Variants in TNPO2 observed in about 807,000 individuals in gnomAD.
TNPO2 encodes transportin-2.
In TNPO2, 16 loss-of-function variants were observed where a neutral mutation model predicts 111.1. That is an observed-to-expected ratio of 0.14 (90% confidence interval 0.10 to 0.22). The LOEUF is 0.22. TNPO2 is among the 10% of genes least tolerant of loss of function. The probability of loss-of-function intolerance (pLI) is 1.00; values close to 1 mark genes in which losing one functional copy is unlikely to be tolerated. For synonymous variants in TNPO2, 481 were observed against 475.8 expected, an observed-to-expected ratio of 1.01 and a Z score of -0.14; for missense variants, 530 against 1,173.7, an observed-to-expected ratio of 0.45 and a Z score of 8.01.
intron 5 of TNPO2, among the ~76,000 whole-genome samples, chr19:12,717,920 G>C (rs1599427920): frequency 6.6e-6 from 1 of 152,246 alleles, no homozygotes; most frequent in East Asian, 1.9e-4. Context: ...GATCTCAAGT[G>C]ATCCGCCTGC....
intron 3 of TNPO2, among the ~76,000 whole-genome samples, chr19:12,720,600 C>T (rs1444312013): frequency 1.3e-5 from 2 of 152,246 alleles, no homozygotes; most frequent in East Asian, 3.8e-4. Context: ...CGATTACAGG[C>T]ATGAGCCACC....
At position 12,699,275 on chromosome 19, in the gene TNPO2, A is replaced by C. The variant is rs1304751689; in HGVS notation, c.*1989T>G. 1 of 446,432 alleles carries C rather than the reference A, an allele frequency of 2.2e-6. No individual in the cohort carries two copies. Among genetic ancestry groups the C allele is most frequent in the African/African-American group, 2.0e-5 (1 of 49,430 alleles). 27.7% of individuals were successfully genotyped at this position (446,432 alleles called of 1,614,324 possible). A position where few individuals can be genotyped will look rare whatever the true frequency, so the allele number is the denominator to read the frequency against. On this transcript the variant is annotated 3_prime_UTR_variant, in exon 26 of 26. Transcript: ENST00000425528. ...TCACGCCACCTCGGCGCCAATCCCC[A>C]GCACAGCACAGTAACAAATGGACAG...
In TNPO2 at chr19:12,715,407, G is replaced by T; in HGVS notation, c.564C>A (p.Ile188=). 1 of 1,613,954 alleles carries T rather than the reference G, an allele frequency of 6.2e-7. No individual in the cohort carries two copies. The highest frequency in any genetic ancestry group is 8.5e-7 in the Non-Finnish European group (1 of 1,179,864). Residue 188 remains isoleucine, a splice_region_variant and synonymous_variant, in exon 7 of 26, where the codon ATC becomes ATA. Transcript: ENST00000425528. This position sits in a 1 kb window ranked among gnomAD's most constrained non-coding sequence, Gnocchi z 7.1. ...AGCCCCCAGGGAGCTGCACCCACCG[G>T]ATCTTGGGACTGCAGTGCTTGAAGA... is the stretch of plus-strand genomic sequence containing the variant. ...LQFFKHCSPK[I]RSHAIACVNQ...
chr19:12,712,934 G>A (rs1409839823), intron 10 of TNPO2, among the ~76,000 whole-genome samples: 1 of 152,140 alleles, frequency 6.6e-6, no homozygotes, highest in Non-Finnish European at 1.5e-5. Flanking sequence ...CACCCAGGCT[G>A]GAGTGCACTG....
In TNPO2 at chr19:12,706,484, T is replaced by G; in HGVS notation, c.1496+86A>C. 2 of 1,574,860 alleles carry G rather than the reference T, an allele frequency of 1.3e-6. No individual in the cohort carries two copies. The highest frequency in any genetic ancestry group is 1.7e-6 in the Non-Finnish European group (2 of 1,145,524). ...CAGTACGAATACGCGATAAATCAGT[T>G]CCACATCAACAGTCACAGGTGTCAT... is the stretch of plus-strand genomic sequence containing the variant. On this transcript the variant is annotated intron_variant, in intron 14 of 25. Coordinates refer to ENST00000425528, the MANE Select transcript of TNPO2 (RefSeq NM_001382241.1). This position sits in a 1 kb window ranked among gnomAD's most constrained non-coding sequence, Gnocchi z 7.0.
At position 12,714,970 on chromosome 19, in the gene TNPO2, C is replaced by T. The variant is rs760439665; in HGVS notation, c.772-31G>A. ...GTAGGGGGGAGAAGCTGAGGCCTGG[C>T]CTGGCTGGGGGTGGCTCCCTGACCC... On this transcript the variant is annotated intron_variant, in intron 9 of 25. Transcript: ENST00000425528. 5 of 1,601,082 alleles carry T rather than the reference C, an allele frequency of 3.1e-6. No homozygotes were observed. In the African/African-American group the frequency reaches 4.0e-5, roughly 13 times the overall value.
At chr19:12,713,826 G>C (rs1000683253) in intron 10 of TNPO2, among the ~76,000 whole-genome samples, 1 of 152,120 alleles carries the variant, frequency 6.6e-6, no homozygotes, top group African/African-American at 2.4e-5. Context: ...CCAGGGATCC[G>C]AGACCAGCCA....
Position 12,701,671 on chromosome 19 carries a change from T to C in TNPO2, c.2513A>G (p.Asp838Gly), listed in dbSNP as rs2025309186. Residue 838 changes from aspartate (D) to glycine (G), a missense_variant and splice_region_variant, in exon 24 of 26, where the codon GAC becomes GGC. Asp to Gly is a moderately conservative substitution (Grantham distance 94, BLOSUM62 -1). Around this residue, in one of 4 missense-constraint regions of TNPO2, gnomAD observed 103 missense variants for 156.7 expected, o/e 0.66. Transcript: ENST00000425528. The surrounding 1 kb of genome is among the most constrained non-coding windows in gnomAD (Gnocchi z 5.0). ...TACAGCATCGCAGAAGAAAATAAAG[T>C]CCTGAAACGTGACGGATCCCAGGTG... is the stretch of plus-strand genomic sequence containing the variant. ...IGVNPGGVVQ[D>G]FIFFCDAVAS... The C allele has an allele frequency of 1.2e-6, 2 of 1,613,516 alleles. No homozygotes were observed. The highest frequency in any genetic ancestry group is 1.3e-5 in the African/African-American group (1 of 74,836).
intron 5 of TNPO2, among the ~76,000 whole-genome samples, chr19:12,717,850 T>G (rs1321698673): frequency 4.0e-5 from 6 of 149,548 alleles, no homozygotes; most frequent in Non-Finnish European, 8.9e-5. Context: ...CCAAGTAATT[T>G]TTTGTATTTT....
chr19:12,707,811 T>C (rs964900205), intron 13 of TNPO2, among the ~76,000 whole-genome samples: 4 of 151,640 alleles, frequency 2.6e-5, no homozygotes, highest in African/African-American at 9.7e-5. Flanking sequence ...TTTTGTTTAA[T>C]TTTTTAATTT....
intron 20 of TNPO2, 111 bp from the exon 21 acceptor site, chr19:12,703,029 C>T (rs952509669): frequency 2.2e-5 from 20 of 917,352 alleles, no homozygotes; most frequent in Middle Eastern, 2.5e-4. Context: ...GACTGGCCAA[C>T]CACTACCAGT....
chr19:12,706,033 C>T lies in TNPO2; in HGVS notation c.1668+163G>A, dbSNP rs1373864632. 1.4e-6 allele frequency: 1 copy of T among 734,498 alleles called. No homozygotes were observed. The highest frequency in any genetic ancestry group is 3.0e-5 in the Admixed American group (1 of 32,840). 45.5% of individuals were successfully genotyped at this position (734,498 alleles called of 1,614,324 possible). A position where few individuals can be genotyped will look rare whatever the true frequency, so the allele number is the denominator to read the frequency against. On this transcript the variant is annotated intron_variant, in intron 15 of 25. Transcript: ENST00000425528. The surrounding 1 kb of genome is among the most constrained non-coding windows in gnomAD (Gnocchi z 7.0). Reference sequence around the variant, plus strand: ...ACCACGCTGTCTCATAACTGTCTTTCTCCCCCACTAGACTGGGAGCAGGGC... The same window carrying T: ...ACCACGCTGTCTCATAACTGTCTTTTTCCCCCACTAGACTGGGAGCAGGGC...
At position 12,715,437 on chromosome 19, in the gene TNPO2, C is replaced by T. The variant is rs2026309696; in HGVS notation, c.534G>A (p.Leu178=). The T allele has an allele frequency of 6.2e-7, 1 of 1,613,934 alleles. No individual in the cohort carries two copies. Among genetic ancestry groups the T allele is most frequent in the Non-Finnish European group, 8.5e-7 (1 of 1,179,878 alleles). The change falls in exon 7 of 26, where the codon CTG becomes CTA. Residue 178 remains leucine, a synonymous_variant. Transcript: ENST00000425528. The surrounding 1 kb of genome is among the most constrained non-coding windows in gnomAD (Gnocchi z 7.1). ...RPLNIMIPKF[L]QFFKHCSPKI... is the part of the protein sequence containing the mutation. Reference sequence around the variant, plus strand: ...TGGGACTGCAGTGCTTGAAGAACTGCAGGAACTTGGGGATCATGATGTTGA... The same window carrying T: ...TGGGACTGCAGTGCTTGAAGAACTGTAGGAACTTGGGGATCATGATGTTGA...
chr19:12,704,447 C>T (rs1470266674), intron 18 of TNPO2, among the ~76,000 whole-genome samples: 2 of 152,164 alleles, frequency 1.3e-5, no homozygotes, highest in Non-Finnish European at 2.9e-5. Flanking sequence ...CACTTAGCAT[C>T]ATCTCTAAAT....
In TNPO2 at chr19:12,699,330, A is replaced by G. The variant is rs1186136370; in HGVS notation, c.*1934T>C. 7.2e-6 allele frequency: 3 copies of G among 418,418 alleles called. No homozygotes were observed. The Admixed American group carries it at 7.9e-5, about 11-fold the overall frequency. 25.9% of individuals were successfully genotyped at this position (418,418 alleles called of 1,614,324 possible). A position where few individuals can be genotyped will look rare whatever the true frequency, so the allele number is the denominator to read the frequency against. ...GGGAGCCCGCAGGGGGAAGAGGGTG[A>G]GGAGGGAAAGAGGGACTGTGGCTCA... On this transcript the variant is annotated 3_prime_UTR_variant, in exon 26 of 26. Transcript: ENST00000425528.
chr19:12,701,647 A>G lies in TNPO2; in HGVS notation c.2537T>C (p.Val846Ala). ...ATCCTTCGGGCTCACCCAGGAGGCT[A>G]CAGCATCGCAGAAGAAAATAAAGTC... is the stretch of plus-strand genomic sequence containing the variant. ...VQDFIFFCDA[V>A]ASWVSPKDDL... The change falls in exon 24 of 26, where the codon GTA becomes GCA. Residue 846 changes from valine to alanine, a missense_variant. Val to Ala is a moderately conservative substitution (Grantham distance 64). Around this residue, in one of 4 missense-constraint regions of TNPO2, gnomAD observed 103 missense variants for 156.7 expected, o/e 0.66. Coordinates refer to ENST00000425528, the MANE Select transcript of TNPO2 (RefSeq NM_001382241.1). This position sits in a 1 kb window ranked among gnomAD's most constrained non-coding sequence, Gnocchi z 5.0. 1 of 1,613,870 alleles carries G rather than the reference A, an allele frequency of 6.2e-7. No individual in the cohort carries two copies. Among genetic ancestry groups the G allele is most frequent in the Non-Finnish European group, 8.5e-7 (1 of 1,179,884 alleles).
chr19:12,705,545 G>T lies in TNPO2; in HGVS notation c.1810C>A (p.Pro604Thr). 6.2e-7 allele frequency: 1 copy of T among 1,605,664 alleles called. No individual in the cohort carries two copies. The highest frequency in any genetic ancestry group is 1.1e-5 in the South Asian group (1 of 89,162). Reference sequence around the variant, plus strand: ...AGGGTGACACAGCGCTGGTAGACGGGCTCACAGTAAGGCAGGAAGCCACTC... The same window carrying T: ...AGGGTGACACAGCGCTGGTAGACGGTCTCACAGTAAGGCAGGAAGCCACTC... Reference protein sequence around the residue: ...LQSGFLPYCEPVYQRCVTLVQ... With the variant: ...LQSGFLPYCETVYQRCVTLVQ... Residue 604 changes from proline (P) to threonine (T), a missense_variant, in exon 17 of 26, where the codon CCC becomes ACC. Around this residue, in one of 4 missense-constraint regions of TNPO2, gnomAD observed 183 missense variants for 481.0 expected, o/e 0.38. Coordinates refer to ENST00000425528, the MANE Select transcript of TNPO2 (RefSeq NM_001382241.1). The surrounding 1 kb of genome is among the most constrained non-coding windows in gnomAD (Gnocchi z 7.2).
chr19:12,711,200 A>C, intron 12 of TNPO2, 96 bp downstream of exon 12: 1 of 1,506,940 alleles, frequency 6.6e-7, no homozygotes, highest in Non-Finnish European at 9.0e-7. Flanking sequence ...GGCCACGATC[A>C]GCTTCTAATC....
chr19:12,701,286 C>T lies in TNPO2; in HGVS notation c.*20+40G>A, dbSNP rs910784631. On this transcript the variant is annotated intron_variant, in intron 25 of 25. Transcript: ENST00000425528. This position sits in a 1 kb window ranked among gnomAD's most constrained non-coding sequence, Gnocchi z 5.0. ...AGGTCATGGCCTGGGACCTTTCGGC[C>T]CCCAAGACAGTGCTGACTTGCCAGC... 3.5e-6 allele frequency: 5 copies of T among 1,427,920 alleles called. No homozygotes were observed. Among genetic ancestry groups the T allele is most frequent in the Non-Finnish European group, 3.9e-6 (4 of 1,019,158 alleles). The allele number at this position is 1,427,920 out of a possible 1,614,324, so 88.5% of individuals were successfully genotyped here.
Sources: gnomAD v4.1 joint callset for allele counts (sites outside exome capture counted in the v4.1 genomes callset) on GRCh38, gnomAD v4.1.1 for gene constraint, gnomAD v4.1.1 regional missense constraint, Gnocchi (gnomAD v3.1) non-coding constraint, MANE v1.5 for transcripts, NCBI Gene and HGNC (gene_info 2026-07-23, HGNC 2026-07-21) for gene names.